EFHD1: variants seen among roughly 807,000 people sequenced by gnomAD.
The protein encoded by EFHD1 is EF-hand domain-containing protein D1.
Under a neutral mutation model 17.2 loss-of-function variants are expected in EFHD1, and 10 were observed. That is an observed-to-expected ratio of 0.58 (90% CI 0.36 to 0.99). The LOEUF (loss-of-function observed/expected upper bound fraction) is 0.99. Among genes scored for constraint, EFHD1 ranks in the 50% least tolerant of loss-of-function variants. The pLI, the probability that EFHD1 is intolerant of heterozygous loss-of-function variation, is 0.01. For synonymous variants in EFHD1, 153 were observed against 142.0 expected (o/e 1.08, Z -0.55); for missense variants, 310 against 327.5 (o/e 0.95, Z 0.41).
At chr2:232,638,203 A>C (rs1694354402) in intron 1 of EFHD1, 1 of 373,518 alleles carries the variant, frequency 2.7e-6, no homozygotes, top group African/African-American at 2.1e-5. Context: ...TTAGACAGGA[A>C]ATTTTAATTA....
intron 1 of EFHD1, among the ~76,000 whole-genome samples, chr2:232,655,968 G>A (rs1221062685): frequency 2.6e-5 from 4 of 151,980 alleles, no homozygotes; most frequent in Admixed American, 6.6e-5. Context: ...CACCATGCCC[G>A]GCTCTTTTTT....
intron 1 of EFHD1, among the ~76,000 whole-genome samples, chr2:232,613,991 TACAC>T (rs943256172): frequency 1.3e-5 from 2 of 150,082 alleles, no homozygotes; most frequent in African/African-American, 4.9e-5. Flanking sequence ...CACACATACA[TACAC>T]ATGTGCACAT....
At chr2:232,625,670 A>G (rs1175250222) in intron 1 of EFHD1, among the ~76,000 whole-genome samples, 1 of 152,158 alleles carries the variant, frequency 6.6e-6, no homozygotes, top group Non-Finnish European at 1.5e-5. Flanking sequence ...TAGATTAATG[A>G]TTCCTCAAAG....
chr2:232,606,318 C>A, intron 1 of EFHD1: 2 of 993,754 alleles, frequency 2.0e-6, no homozygotes, highest in Non-Finnish European at 3.1e-6. Context: ...CGCTTCCCTG[C>A]CCCGCGCACG....
chr2:232,670,489 GA>G (rs1160466870), intron 2 of EFHD1, among the ~76,000 whole-genome samples: 1 of 152,052 alleles, frequency 6.6e-6, no homozygotes, highest in East Asian at 1.9e-4. Flanking sequence ...TTGTTCTTTG[GA>G]AGCCTGAAGA....
chr2:232,664,538 A>G (rs567314664), intron 2 of EFHD1, among the ~76,000 whole-genome samples: 1 of 151,096 alleles, frequency 6.6e-6, no homozygotes, highest in South Asian at 2.1e-4. Context: ...GGTTCAAGCA[A>G]TCTTCCTGTC....
intron 1 of EFHD1, among the ~76,000 whole-genome samples, chr2:232,619,729 G>T (rs191438535): frequency 5.3e-5 from 8 of 152,112 alleles, no homozygotes; most frequent in Non-Finnish European, 7.4e-5. Context: ...TGAATTGTAC[G>T]CATCAAAATG....
chr2:232,660,319 C>G (rs1419742799), intron 1 of EFHD1, among the ~76,000 whole-genome samples: 1 of 152,056 alleles, frequency 6.6e-6, no homozygotes, highest in Non-Finnish European at 1.5e-5. Context: ...CTCAGCCTCC[C>G]AAGTAGCTGG....
intron 1 of EFHD1, among the ~76,000 whole-genome samples, chr2:232,608,895 A>T (rs1177136073): frequency 1.3e-5 from 2 of 151,978 alleles, no homozygotes; most frequent in East Asian, 3.9e-4. Flanking sequence ...GCGCCACTGC[A>T]CTCCAGCCTG....
intron 3 of EFHD1, among the ~76,000 whole-genome samples, chr2:232,678,282 A>G (rs1020032466): frequency 1.3e-5 from 2 of 151,880 alleles, no homozygotes; most frequent in Non-Finnish European, 2.9e-5. Context: ...AAAAAAAAAA[A>G]GAATCTTAAA....
intron 1 of EFHD1, among the ~76,000 whole-genome samples, chr2:232,659,130 T>A (rs1694813793): frequency 6.6e-6 from 1 of 151,890 alleles, no homozygotes. Context: ...GGAACACCTG[T>A]CTCATCCTTC....
rs544656469 is a variant in EFHD1 at position 232,633,679 on chromosome 2, G to A, written c.-26G>A. 1.6e-5 allele frequency: 23 copies of A among 1,408,088 alleles called. No individual in the cohort carries two copies. In the Admixed American group the frequency reaches 5.2e-4, roughly 32 times the overall value. The allele number at this position is 1,408,088 out of a possible 1,614,324, so 87.2% of individuals were successfully genotyped here. A position where few individuals can be genotyped will look rare whatever the true frequency, so the allele number is the denominator to read the frequency against. Reference sequence around the variant, plus strand: ...CCTGCGTCCCGTCCCGCGTCCCCGCGTTCCCGCGTCCTGCGATCCGCCGCC... The same window carrying A: ...CCTGCGTCCCGTCCCGCGTCCCCGCATTCCCGCGTCCTGCGATCCGCCGCC... On this transcript the variant is annotated 5_prime_UTR_variant, in exon 1 of 4. Coordinates refer to ENST00000264059, the MANE Select transcript of EFHD1 (RefSeq NM_025202.4).
intron 1 of EFHD1, among the ~76,000 whole-genome samples, chr2:232,635,667 G>C (rs1390010899): frequency 1.3e-5 from 2 of 152,068 alleles, no homozygotes; most frequent in East Asian, 3.9e-4. Flanking sequence ...AAAAATCCAA[G>C]AATTAGCCGG....
chr2:232,663,463 C>T (rs1694913313), intron 2 of EFHD1, among the ~76,000 whole-genome samples: 2 of 151,862 alleles, frequency 1.3e-5, no homozygotes, highest in Non-Finnish European at 2.9e-5. Flanking sequence ...CCTCCACCTC[C>T]TGAGTTCAGG....
chr2:232,655,870 G>A lies in EFHD1; in HGVS notation c.303-6932G>A, dbSNP rs185289090. ...CACCCAGGCTGGAGTGCAGTGGCAC[G>A]ACCTCGGCTTACTGCAAGCTCCGCC... On this transcript the variant is annotated intron_variant, in intron 1 of 3. Transcript: ENST00000264059. Among the ~76,000 whole-genome samples, 487 of 145,610 alleles carry A rather than the reference G, an allele frequency of 3.3e-3. 1 individual carries two copies. The highest frequency in any genetic ancestry group is 4.8e-3 in the Non-Finnish European group (325 of 67,384).
At chr2:232,660,361 A>AT (rs1420476008) in intron 1 of EFHD1, among the ~76,000 whole-genome samples, 4 of 151,564 alleles carry the variant, frequency 2.6e-5, no homozygotes, top group South Asian at 2.1e-4. Context: ...CGCCCGGCTC[A>AT]TTTTTTGTAT....
intron 1 of EFHD1, among the ~76,000 whole-genome samples, chr2:232,616,727 A>C (rs1252521537): frequency 6.6e-6 from 1 of 152,222 alleles, no homozygotes; most frequent in Non-Finnish European, 1.5e-5. Context: ...TTTCAATTTT[A>C]CAGGATACAA....
Position 232,643,293 on chromosome 2 carries a change from T to C in EFHD1, c.302+9287T>C, listed in dbSNP as rs1036889362. Among the ~76,000 whole-genome samples the C allele has an allele frequency of 3.3e-5, 5 of 152,134 alleles. No individual in the cohort carries two copies. In the East Asian group the frequency reaches 5.8e-4, roughly 18 times the overall value. The stretch of plus-strand genomic sequence containing the variant: ...ACCAGCCCATCCGGGGTAGTTTCCA[T>C]TCCCTGAGGGATGGAGCCAAAACTG... On this transcript the variant is annotated intron_variant, in intron 1 of 3. Coordinates refer to ENST00000264059, the MANE Select transcript of EFHD1 (RefSeq NM_025202.4).
At position 232,672,338 on chromosome 2, in the gene EFHD1, A is replaced by G. The variant is rs1484497280; in HGVS notation, c.480A>G (p.Ala160=). Reference sequence around the variant, plus strand: ...TGCTCATTTTCCACAAGGCCGCGGCAGGGGAGCTGCAGGAGGACAGTGGGC... The same window carrying G: ...TGCTCATTTTCCACAAGGCCGCGGCGGGGGAGCTGCAGGAGGACAGTGGGC... The part of the protein sequence containing the change: ...EFLLIFHKAA[A]GELQEDSGLM... The change falls in exon 3 of 4, where the codon GCA becomes GCG. Residue 160 remains alanine (A), a synonymous_variant. Transcript: ENST00000264059. 1.2e-6 allele frequency: 2 copies of G among 1,614,032 alleles called. No individual in the cohort carries two copies. Among genetic ancestry groups the G allele is most frequent in the East Asian group, 2.2e-5 (1 of 44,888 alleles).
Sources: allele counts gnomAD v4.1 joint callset (sites outside exome capture counted in the v4.1 genomes callset), GRCh38; gene constraint gnomAD v4.1.1; transcripts MANE v1.5; gene names NCBI Gene and HGNC (gene_info 2026-07-23, HGNC 2026-07-21).